Variants in KCNH7 observed in about 807,000 individuals in gnomAD.
The protein encoded by KCNH7 is potassium voltage-gated channel subfamily H member 7.
KCNH7 carries 49 observed loss-of-function variants against 120.8 expected under a neutral mutation model. That is an observed-to-expected ratio of 0.41 (90% confidence interval 0.32 to 0.51). KCNH7 has a LOEUF of 0.51. Ranked by LOEUF, KCNH7 falls within the 20% of genes least tolerant of loss-of-function variation. KCNH7 has a pLI of 0.38. For synonymous variants in KCNH7, 547 were observed against 516.1 expected (o/e 1.06, Z -0.81); for missense variants, 1,097 against 1,446.6 (o/e 0.76, Z 3.92).
At position 162,711,820 on chromosome 2, in the gene KCNH7, G is replaced by A. The variant is rs76741144; in HGVS notation, c.307+124717C>T. On this transcript the variant is annotated intron_variant, in intron 2 of 15. Transcript: ENST00000332142. The stretch of plus-strand genomic sequence containing the variant: ...CCTACAGTGAAGCAGGTTTATAATA[G>A]CTATTACCTTCAGAAGGGCAGGGAA... 1.3e-3 allele frequency among the ~76,000 whole-genome samples: 197 copies of A among 152,010 alleles called. 1 individual carries two copies. The highest frequency in any genetic ancestry group is 2.3e-3 in the Non-Finnish European group (156 of 67,968).
chr2:162,590,496 G>A (rs568702238), intron 2 of KCNH7, among the ~76,000 whole-genome samples: 2 of 152,196 alleles, frequency 1.3e-5, no homozygotes, highest in South Asian at 4.1e-4. Flanking sequence ...GACCTGGACT[G>A]GAAGGTGACA....
chr2:162,733,593 T>C (rs1006085259), intron 2 of KCNH7, among the ~76,000 whole-genome samples: 2 of 152,232 alleles, frequency 1.3e-5, no homozygotes, highest in Admixed American at 6.5e-5. Context: ...GCATGTAGCA[T>C]GAGCCAAAAG....
chr2:162,657,280 T>C (rs932036980), intron 2 of KCNH7, among the ~76,000 whole-genome samples: 12 of 152,200 alleles, frequency 7.9e-5, no homozygotes, highest in African/African-American at 2.7e-4. Context: ...ATAGTTTCAC[T>C]GCACTAAATA....
At chr2:162,712,000 T>G (rs1686943724) in intron 2 of KCNH7, among the ~76,000 whole-genome samples, 2 of 152,328 alleles carry the variant, frequency 1.3e-5, no homozygotes, top group South Asian at 4.1e-4. Flanking sequence ...TTCATTGTTA[T>G]GCGCTTAGGA....
chr2:162,551,460 G>A (rs1490863855), intron 2 of KCNH7, among the ~76,000 whole-genome samples: 1 of 151,750 alleles, frequency 6.6e-6, no homozygotes, highest in Admixed American at 6.6e-5. Flanking sequence ...CAGCTGTAAA[G>A]TAAAAACAAA....
intron 2 of KCNH7, among the ~76,000 whole-genome samples, chr2:162,698,451 T>A (rs1686374286): frequency 6.6e-6 from 1 of 151,696 alleles, no homozygotes; most frequent in Non-Finnish European, 1.5e-5. Flanking sequence ...TTTTTTAACT[T>A]CCATTGCATG....
intron 2 of KCNH7, among the ~76,000 whole-genome samples, chr2:162,560,875 G>T (rs1693037765): frequency 1.3e-5 from 2 of 152,144 alleles, no homozygotes; most frequent in South Asian, 4.1e-4. Context: ...TTTAAAAGGT[G>T]ACTCTTTAGC....
chr2:162,804,766 CAA>C (rs200041293), intron 2 of KCNH7, among the ~76,000 whole-genome samples: 5 of 143,414 alleles, frequency 3.5e-5, no homozygotes, highest in African/African-American at 1.0e-4. Context: ...CATATGGAAC[CAA>C]AAAAAAAAAA....
chr2:162,780,891 A>T (rs13016736), intron 2 of KCNH7, among the ~76,000 whole-genome samples: 8,063 of 152,194 alleles, frequency 0.053, 310 homozygotes, highest in Non-Finnish European at 0.079. Context: ...GCTGTCACAT[A>T]AAAAGACTGT....
At chr2:162,672,603 T>C (rs1338808603) in intron 2 of KCNH7, among the ~76,000 whole-genome samples, 13 of 152,072 alleles carry the variant, frequency 8.5e-5, no homozygotes, top group Middle Eastern at 3.4e-3. Flanking sequence ...TAATAACAAA[T>C]GTTAATGAAA....
chr2:162,534,014 A>C (rs1364785468), intron 3 of KCNH7, among the ~76,000 whole-genome samples: 1 of 151,570 alleles, frequency 6.6e-6, no homozygotes, highest in Non-Finnish European at 1.5e-5. Flanking sequence ...TTTTAACAAA[A>C]AATAATACTT....
At chr2:162,823,269 C>T (rs1349636994) in intron 2 of KCNH7, among the ~76,000 whole-genome samples, 1 of 151,942 alleles carries the variant, frequency 6.6e-6, no homozygotes, top group African/African-American at 2.4e-5. Flanking sequence ...AGTATAGTCA[C>T]ATTGTAAGTG....
At chr2:162,622,490 C>T (rs987266904) in intron 2 of KCNH7, among the ~76,000 whole-genome samples, 25 of 152,134 alleles carry the variant, frequency 1.6e-4, no homozygotes, top group African/African-American at 5.6e-4. Context: ...AATTAGTTTC[C>T]TCTTAACACA....
At position 162,668,953 on chromosome 2, in the gene KCNH7, A is replaced by G. The variant is rs148678948; in HGVS notation, c.308-131873T>C. 3.6e-3 allele frequency among the ~76,000 whole-genome samples: 542 copies of G among 152,312 alleles called. 2 individuals are homozygous for G. Among genetic ancestry groups the G allele is most frequent in the Middle Eastern group, 0.027 (8 of 294 alleles). On this transcript the variant is annotated intron_variant, in intron 2 of 15. Transcript: ENST00000332142. ...ATTAAAAACTTAATAGATGTGTTCA[A>G]TAGCAGATAATGCAGCTAAAGGTAA...
chr2:162,806,599 C>G (rs772050496), intron 2 of KCNH7, among the ~76,000 whole-genome samples: 14 of 152,136 alleles, frequency 9.2e-5, no homozygotes, highest in Non-Finnish European at 2.1e-4. Context: ...CTCAGTGTTA[C>G]AATTTACATT....
Position 162,603,351 on chromosome 2 carries a change from T to C in KCNH7, c.308-66271A>G, listed in dbSNP as rs184679155. Among the ~76,000 whole-genome samples, 84 of 152,226 alleles carry C rather than the reference T, an allele frequency of 5.5e-4. 2 individuals carry two copies. Among genetic ancestry groups the C allele is most frequent in the African/African-American group, 1.9e-3 (77 of 41,572 alleles). On this transcript the variant is annotated intron_variant, in intron 2 of 15. Transcript: ENST00000332142. ...CTGTTTTCTGTGAGGGTATTAATGT[T>C]GTTCCCTCATTCTCATTTGTTCTTA...
At chr2:162,646,768 C>T (rs1684373255) in intron 2 of KCNH7, among the ~76,000 whole-genome samples, 1 of 152,118 alleles carries the variant, frequency 6.6e-6, no homozygotes, top group South Asian at 2.1e-4. Flanking sequence ...ACATCAGATA[C>T]ACAATTGCAA....
At chr2:162,741,286 T>C (rs6720377) in intron 2 of KCNH7, among the ~76,000 whole-genome samples, 4,332 of 143,348 alleles carry the variant, frequency 0.03, 182 homozygotes, top group African/African-American at 0.1. Flanking sequence ...TTATTAGTTA[T>C]ACATATTAAT....
intron 2 of KCNH7, among the ~76,000 whole-genome samples, chr2:162,732,139 T>C (rs796717936): frequency 2.0e-5 from 3 of 152,180 alleles, no homozygotes; most frequent in African/African-American, 7.2e-5. Context: ...GCACTGGCAG[T>C]GGGCAAATTC....
Sources: allele counts gnomAD v4.1 joint callset (sites outside exome capture counted in the v4.1 genomes callset), GRCh38; gene constraint gnomAD v4.1.1; transcripts MANE v1.5; gene names NCBI Gene and HGNC (gene_info 2026-07-23, HGNC 2026-07-21).